Variants in PALM2AKAP2 observed in about 807,000 individuals in gnomAD.
The protein encoded by PALM2AKAP2 is PALM2 and AKAP2 fusion, also known as PALM2-AKAP2 fusion protein.
A neutral mutation model predicts 71.5 loss-of-function variants in PALM2AKAP2; 37 were observed. The observed-to-expected ratio is 0.52, with a 90% CI of 0.40 to 0.68. The LOEUF (loss-of-function observed/expected upper bound fraction) is 0.68. Among genes scored for constraint, PALM2AKAP2 ranks in the 30% least tolerant of loss-of-function variants. The pLI is 0.00. For missense variants in PALM2AKAP2, 1,224 were observed against 1,191.8 expected (o/e 1.03, Z -0.40); for synonymous variants, 468 against 478.8 (o/e 0.98, Z 0.29).
chr9:109,687,818 A>G (rs1196826448), intron 1 of PALM2AKAP2, among the ~76,000 whole-genome samples: 3 of 152,212 alleles, frequency 2.0e-5, no homozygotes, highest in Non-Finnish European at 4.4e-5. Flanking sequence ...CACTAAGCTT[A>G]GTTATTTCTA....
chr9:109,676,103 G>C (rs1457716350), intron 1 of PALM2AKAP2, among the ~76,000 whole-genome samples: 1 of 152,144 alleles, frequency 6.6e-6, no homozygotes, highest in Non-Finnish European at 1.5e-5. Context: ...AAAGTAGTCA[G>C]GGTCTTAACC....
chr9:109,664,952 C>T (rs999112878), intron 1 of PALM2AKAP2, among the ~76,000 whole-genome samples: 5 of 152,134 alleles, frequency 3.3e-5, no homozygotes, highest in Admixed American at 6.5e-5. Context: ...GTCACTGATA[C>T]CCTTTCTTCC....
At chr9:109,829,192 T>C (rs1828231801) in intron 1 of PALM2AKAP2, among the ~76,000 whole-genome samples, 1 of 152,228 alleles carries the variant, frequency 6.6e-6, no homozygotes, top group Non-Finnish European at 1.5e-5. Context: ...AGGCTGTCTC[T>C]CCCTGAGACG....
chr9:110,068,121 A>G (rs78646009), intron 1 of PALM2AKAP2, among the ~76,000 whole-genome samples: 1,629 of 129,794 alleles, frequency 0.013, 81 homozygotes, highest in African/African-American at 0.051. Context: ...ATAATTTTGA[A>G]TATCAGTAGA....
rs76763485 is a variant in PALM2AKAP2, at chr9:109,740,253, G to T, written c.6-40235G>T. 4.3e-4 allele frequency among the ~76,000 whole-genome samples: 66 copies of T among 152,300 alleles called. 1 individual carries two copies. Among genetic ancestry groups the T allele is most frequent in the African/African-American group, 4.3e-4 (18 of 41,558 alleles). On this transcript the variant is annotated intron_variant, in intron 1 of 6. Coordinates refer to the PALM2AKAP2 transcript ENST00000374531. ...CAGTGAGCAAAGCAAGGTCAGGAAG[G>T]TTTCATTCCAGGGAAAAGGGACAGA...
chr9:110,140,704 A>G (rs1836005920), intron 2 of PALM2AKAP2, among the ~76,000 whole-genome samples: 1 of 152,222 alleles, frequency 6.6e-6, no homozygotes, highest in South Asian at 2.1e-4. Flanking sequence ...ACACTCCAGT[A>G]TAACCAGTCT....
chr9:109,741,135 T>A (rs913698824), intron 1 of PALM2AKAP2, among the ~76,000 whole-genome samples: 1 of 152,176 alleles, frequency 6.6e-6, no homozygotes, highest in African/African-American at 2.4e-5. Context: ...TGCTTTCTAG[T>A]CAATTCTCCA....
chr9:110,128,941 T>C (rs1237953878), intron 1 of PALM2AKAP2, among the ~76,000 whole-genome samples: 1 of 152,258 alleles, frequency 6.6e-6, no homozygotes, highest in Non-Finnish European at 1.5e-5. Context: ...GGCCCTGCTG[T>C]TGTGTTTTCT....
intron 2 of PALM2AKAP2, 125 bp downstream of exon 8, chr9:110,138,664 G>T (rs1835957821): frequency 7.0e-7 from 1 of 1,431,054 alleles, no homozygotes; most frequent in East Asian, 2.5e-5. Flanking sequence ...GGGGACACTG[G>T]CATGAGAATT....
At chr9:110,138,616 G>A in intron 2 of PALM2AKAP2, 77 bp downstream of exon 8, 1 of 1,464,262 alleles carries the variant, frequency 6.8e-7, no homozygotes, top group East Asian at 2.5e-5. Context: ...GGGTTTCTAT[G>A]TGGAGCCTCC....
chr9:110,073,225 G>A (rs1398549441), intron 1 of PALM2AKAP2, among the ~76,000 whole-genome samples: 2 of 152,192 alleles, frequency 1.3e-5, no homozygotes, highest in African/African-American at 4.8e-5. Context: ...TTTTTGTTCT[G>A]AGCAAGAATG....
chr9:109,878,670 A>G (rs1264695850), intron 2 of PALM2AKAP2, among the ~76,000 whole-genome samples: 2 of 151,990 alleles, frequency 1.3e-5, no homozygotes, highest in African/African-American at 4.8e-5. Context: ...GCACCAGATG[A>G]CCCCTGGACT....
rs1832822133 is a variant in PALM2AKAP2, at chr9:110,008,459, AAAAG to A, written c.497-7490_497-7487del. Among the ~76,000 whole-genome samples, 3 of 151,696 alleles carry A rather than the reference AAAAG, an allele frequency of 2.0e-5. No homozygotes were observed. In the South Asian group the frequency reaches 6.2e-4, roughly 32 times the overall value. ...AATAATAATTAAATTTATTTAATAAAAAAGAAAGTATGGGCCATTATAACCTGGT... is the reference window on the plus strand; with the variant it reads ...AATAATAATTAAATTTATTTAATAAAAAAGTATGGGCCATTATAACCTGGT... On this transcript the variant is annotated intron_variant, in intron 6 of 9. Coordinates refer to the PALM2AKAP2 transcript ENST00000302798.
intron 6 of PALM2AKAP2, among the ~76,000 whole-genome samples, chr9:109,978,371 C>G (rs190939270): frequency 2.0e-5 from 3 of 152,214 alleles, no homozygotes; most frequent in Admixed American, 1.3e-4. Context: ...TCACCCCCAC[C>G]CCCAACCAAC....
intron 1 of PALM2AKAP2, among the ~76,000 whole-genome samples, chr9:109,863,822 A>G (rs191121666): frequency 2.1e-4 from 32 of 152,050 alleles, no homozygotes; most frequent in Admixed American, 3.9e-4. Flanking sequence ...GCTAACACCT[A>G]TAATTCCAGC....
intron 1 of PALM2AKAP2, among the ~76,000 whole-genome samples, chr9:109,719,759 A>G (rs2118630574): frequency 6.6e-6 from 1 of 152,292 alleles, no homozygotes; most frequent in South Asian, 2.1e-4. Context: ...TCTCTAAACT[A>G]TTCCCAGTTC....
chr9:109,949,569 T>C (rs1831588218), intron 6 of PALM2AKAP2, among the ~76,000 whole-genome samples: 1 of 152,240 alleles, frequency 6.6e-6, no homozygotes, highest in South Asian at 2.1e-4. Context: ...CTTCATTCCA[T>C]TAAAGGTAAC....
intron 1 of PALM2AKAP2, among the ~76,000 whole-genome samples, chr9:109,819,041 G>GA (rs1305647021): frequency 6.6e-6 from 1 of 152,082 alleles, no homozygotes; most frequent in East Asian, 1.9e-4. Context: ...CCCAATTTGA[G>GA]AAAAAATACA....
chr9:109,690,466 A>G (rs1827866331), intron 1 of PALM2AKAP2, among the ~76,000 whole-genome samples: 1 of 152,162 alleles, frequency 6.6e-6, no homozygotes, highest in African/African-American at 2.4e-5. Context: ...CCCAAAAAAT[A>G]TAGTTGGCTT....
Sources: gnomAD v4.1 joint callset for allele counts (sites outside exome capture counted in the v4.1 genomes callset) on GRCh38, gnomAD v4.1.1 for gene constraint, MANE v1.5 for transcripts, NCBI Gene and HGNC (gene_info 2026-07-23, HGNC 2026-07-21) for gene names.